RAB7A: variants seen among roughly 807,000 people sequenced by gnomAD.
RAB7A encodes RAB7A, member RAS oncogene family.
RAB7A carries 2 observed loss-of-function variants against 24.5 expected under a neutral mutation model. The observed-to-expected ratio is 0.08, with a 90% CI of 0.03 to 0.26. RAB7A has a LOEUF of 0.26. Among genes scored for constraint, RAB7A ranks in the 10% least tolerant of loss-of-function variants. The probability of loss-of-function intolerance (pLI) is 1.00; values close to 1 mark genes in which losing one functional copy is unlikely to be tolerated. For synonymous variants in RAB7A, 100 were observed against 95.9 expected, an observed-to-expected ratio of 1.04 and a Z score of -0.25; for missense variants, 118 against 255.7, an observed-to-expected ratio of 0.46 and a Z score of 3.67.
chr3:128,807,734 C>G (rs1933836132), intron 5 of RAB7A, 63 bp downstream of exon 5: 1 of 1,609,682 alleles, frequency 6.2e-7, no homozygotes, highest in Non-Finnish European at 8.5e-7. Context: ...CAGTCCCTGC[C>G]TGGCCTCCTG....
chr3:128,744,779 T>C (rs1279804038), intron 1 of RAB7A, among the ~76,000 whole-genome samples: 1 of 152,234 alleles, frequency 6.6e-6, no homozygotes, highest in Non-Finnish European at 1.5e-5. Context: ...TGTGTGTGTT[T>C]CTGCCCTGCA....
intron 1 of RAB7A, among the ~76,000 whole-genome samples, chr3:128,758,731 G>T (rs1410378430): frequency 6.6e-6 from 1 of 152,118 alleles, no homozygotes; most frequent in Non-Finnish European, 1.5e-5. Context: ...AGATAAAAGG[G>T]TTTGGAGTAT....
intron 1 of RAB7A, among the ~76,000 whole-genome samples, chr3:128,762,854 TC>T (rs1393162054): frequency 1.3e-5 from 2 of 152,176 alleles, no homozygotes; most frequent in African/African-American, 4.8e-5. Flanking sequence ...GCAAAGAGAC[TC>T]AGTGTAAAAG....
chr3:128,782,159 A>T (rs1214187057), intron 1 of RAB7A, among the ~76,000 whole-genome samples: 1 of 152,178 alleles, frequency 6.6e-6, no homozygotes, highest in Non-Finnish European at 1.5e-5. Flanking sequence ...CCTTCTGGTT[A>T]CCTACAATAG....
At chr3:128,808,132 T>C (rs1481728709) in intron 5 of RAB7A, among the ~76,000 whole-genome samples, 1 of 151,940 alleles carries the variant, frequency 6.6e-6, no homozygotes, top group Non-Finnish European at 1.5e-5. Context: ...CAAGGCGGGC[T>C]GATCACTTGA....
chr3:128,747,331 A>T (rs983440019), intron 1 of RAB7A, among the ~76,000 whole-genome samples: 1 of 151,492 alleles, frequency 6.6e-6, no homozygotes, highest in African/African-American at 2.4e-5. Flanking sequence ...TCACGCCTGT[A>T]ATCCCAGCAC....
chr3:128,792,260 A>G (rs1212354879), intron 1 of RAB7A, among the ~76,000 whole-genome samples: 2 of 151,986 alleles, frequency 1.3e-5, no homozygotes, highest in Admixed American at 1.3e-4. Flanking sequence ...TTTTCTTTTT[A>G]ATATTATTAA....
intron 1 of RAB7A, among the ~76,000 whole-genome samples, chr3:128,733,099 T>C (rs1454980898): frequency 2.0e-5 from 3 of 152,250 alleles, no homozygotes; most frequent in African/African-American, 4.8e-5. Context: ...TTATCATTTC[T>C]GTATTTTAGT....
intron 1 of RAB7A, among the ~76,000 whole-genome samples, chr3:128,769,053 C>A (rs1177917123): frequency 6.9e-6 from 1 of 143,972 alleles, no homozygotes; most frequent in African/African-American, 2.6e-5. Flanking sequence ...CCACCACACC[C>A]AGCTGATTTT....
In RAB7A at chr3:128,736,213, G is replaced by GC. The variant is rs1238740729; in HGVS notation, c.-9+9856dup. On this transcript the variant is annotated intron_variant, in intron 1 of 5. Transcript: ENST00000265062. ...AAAAGGTCATGCTCAGTATCTTGGAGCCACTGTGTGTTAGTGGGACTGGGA... is the reference window on the plus strand; with the variant it reads ...AAAAGGTCATGCTCAGTATCTTGGAGCCCACTGTGTGTTAGTGGGACTGGGA... Among the ~76,000 whole-genome samples the GC allele has an allele frequency of 7.8e-4, 118 of 151,802 alleles. 2 individuals carry two copies. Among genetic ancestry groups the GC allele is most frequent in the Non-Finnish European group, 5.4e-4 (37 of 68,002 alleles).
intron 1 of RAB7A, among the ~76,000 whole-genome samples, chr3:128,762,771 T>C (rs2070785593): frequency 6.6e-6 from 1 of 152,208 alleles, no homozygotes; most frequent in Non-Finnish European, 1.5e-5. Context: ...ACTGTCCTGT[T>C]CAGAAAGCCA....
rs146254473 is a variant in RAB7A at position 128,779,141 on chromosome 3, C to T, written c.-8-16219C>T. On this transcript the variant is annotated intron_variant, in intron 1 of 5. Transcript: ENST00000265062. ...TAAGGATTCATTGTGGGGCTGGGTA[C>T]GGTGGCTCACGCCTATAATCCCAGC... Among the ~76,000 whole-genome samples the T allele has an allele frequency of 2.6e-3, 395 of 152,222 alleles. 8 individuals carry two copies. The highest frequency in any genetic ancestry group is 1.4e-3 in the African/African-American group (60 of 41,538).
chr3:128,729,659 T>A (rs2070415076), intron 1 of RAB7A, among the ~76,000 whole-genome samples: 1 of 152,160 alleles, frequency 6.6e-6, no homozygotes, highest in Admixed American at 6.5e-5. Flanking sequence ...AACAAAGATG[T>A]AGCAAACACA....
In RAB7A at chr3:128,726,254, T is replaced by G. The variant is rs1027376626; in HGVS notation, c.-114T>G. ...GCTTGGAGAGCTCGGGAGAGTTCCC[T>G]GGAACCAGAACTTGGACCTTCTCGC... On this transcript the variant is annotated 5_prime_UTR_variant, in exon 1 of 6. Coordinates refer to ENST00000265062, the MANE Select transcript of RAB7A (RefSeq NM_004637.6). 1.3e-5 allele frequency: 2 copies of G among 153,440 alleles called. No individual in the cohort carries two copies. The highest frequency in any genetic ancestry group is 4.8e-5 in the African/African-American group (2 of 41,462). 9.5% of individuals were successfully genotyped at this position (153,440 alleles called of 1,614,324 possible).
intron 1 of RAB7A, among the ~76,000 whole-genome samples, chr3:128,771,161 G>A (rs1000422946): frequency 1.3e-5 from 2 of 151,990 alleles, no homozygotes; most frequent in African/African-American, 4.8e-5. Context: ...GTAGAGACGG[G>A]GTTTTCATCA....
rs1310240091 is a variant in RAB7A at position 128,806,584 on chromosome 3, C to T, written c.393C>T (p.Asn131=). The T allele has an allele frequency of 6.2e-7, 1 of 1,613,076 alleles. No individual in the cohort carries two copies. The highest frequency in any genetic ancestry group is 1.3e-5 in the African/African-American group (1 of 74,896). The change falls in exon 4 of 6, where the codon AAC becomes AAT. Residue 131 remains asparagine, a synonymous_variant. Coordinates refer to ENST00000265062, the MANE Select transcript of RAB7A (RefSeq NM_004637.6). Reference sequence around the variant, plus strand: ...TGGGAAACAAGATTGACCTCGAAAACAGACAAGTAAGTACCAACGATGATA... The same window carrying T: ...TGGGAAACAAGATTGACCTCGAAAATAGACAAGTAAGTACCAACGATGATA... The part of the protein sequence containing the change: ...VVLGNKIDLE[N]RQVATKRAQA...
At chr3:128,730,310 A>G (rs1314934745) in intron 1 of RAB7A, among the ~76,000 whole-genome samples, 2 of 151,802 alleles carry the variant, frequency 1.3e-5, no homozygotes, top group Admixed American at 6.6e-5. Flanking sequence ...GCTCACTGCA[A>G]GCTCCACCTT....
intron 2 of RAB7A, among the ~76,000 whole-genome samples, chr3:128,795,703 C>G (rs1207647473): frequency 7.0e-6 from 1 of 142,132 alleles, no homozygotes; most frequent in African/African-American, 2.6e-5. Context: ...GCTGGGGAGT[C>G]TTCCTTACGT....
intron 3 of RAB7A, 135 bp from the exon 4 acceptor site, chr3:128,806,237 T>G: frequency 1.4e-6 from 1 of 694,882 alleles, no homozygotes; most frequent in Non-Finnish European, 2.4e-6. Flanking sequence ...TGAAATTTGC[T>G]TCCTGAAGTC....
Sources: allele counts gnomAD v4.1 joint callset (sites outside exome capture counted in the v4.1 genomes callset), GRCh38; gene constraint gnomAD v4.1.1; transcripts MANE v1.5; gene names NCBI Gene and HGNC (gene_info 2026-07-23, HGNC 2026-07-21).